Variants in AKAP10 observed in about 807,000 individuals in gnomAD.
AKAP10 encodes A-kinase anchoring protein 10.
AKAP10 carries 24 observed loss-of-function variants against 80.8 expected under a neutral mutation model. The observed-to-expected ratio is 0.30, with a 90% CI of 0.22 to 0.42. The LOEUF (loss-of-function observed/expected upper bound fraction) is 0.42, where lower values mean the gene tolerates loss of function less well. Ranked by LOEUF, AKAP10 falls within the 10% of genes least tolerant of loss-of-function variation. The probability of loss-of-function intolerance (pLI) is 1.00; values close to 1 mark genes in which losing one functional copy is unlikely to be tolerated. For missense variants in AKAP10, 661 were observed against 794.9 expected, an observed-to-expected ratio of 0.83 and a Z score of 2.03; for synonymous variants, 291 against 277.7, an observed-to-expected ratio of 1.05 and a Z score of -0.48.
chr17:19,931,693 T>C (rs2042935174), intron 10 of AKAP10, 112 bp downstream of exon 10: 1 of 1,315,570 alleles, frequency 7.6e-7, no homozygotes, highest in Non-Finnish European at 1.0e-6. Flanking sequence ...GCCTGGCTTT[T>C]ATCTTTTTTT....
intron 4 of AKAP10, among the ~76,000 whole-genome samples, chr17:19,950,484 A>AT (rs2043188090): frequency 6.6e-6 from 1 of 152,024 alleles, no homozygotes; most frequent in Admixed American, 6.6e-5. Flanking sequence ...TGGTTTTTGC[A>AT]TTTTTTGGTG....
chr17:19,975,568 C>G (rs1340606682), intron 1 of AKAP10, among the ~76,000 whole-genome samples: 1 of 152,208 alleles, frequency 6.6e-6, no homozygotes, highest in African/African-American at 2.4e-5. Context: ...CATTTCTCCT[C>G]TTAATCTTTC....
chr17:19,977,570 C>T (rs1397331499), intron 1 of AKAP10, 22 bp downstream of exon 1: 2 of 1,232,874 alleles, frequency 1.6e-6, no homozygotes, highest in African/African-American at 1.6e-5. Context: ...GCCTGACTCC[C>T]CGCCGGCGCC....
chr17:19,906,282 TG>T (rs2042631145), intron 14 of AKAP10, 50 bp from the exon 15 acceptor site: 1 of 1,579,346 alleles, frequency 6.3e-7, no homozygotes, highest in Non-Finnish European at 8.6e-7. Context: ...CTCTAACAAG[TG>T]ACCTATTATT....
At chr17:19,907,964 G>A (rs1179699042) in intron 14 of AKAP10, among the ~76,000 whole-genome samples, 2 of 151,376 alleles carry the variant, frequency 1.3e-5, no homozygotes, top group Non-Finnish European at 2.9e-5. Context: ...CCTGGGTTCA[G>A]GCAATTCTCC....
intron 4 of AKAP10, among the ~76,000 whole-genome samples, chr17:19,948,731 T>G (rs1428683228): frequency 1.3e-5 from 2 of 152,110 alleles, no homozygotes; most frequent in Admixed American, 1.3e-4. Context: ...TCGAGTTGTA[T>G]GTGCACTCCC....
intron 1 of AKAP10, 86 bp from the exon 2 acceptor site, chr17:19,968,547 T>C (rs2043453379): frequency 1.2e-5 from 13 of 1,101,270 alleles, no homozygotes; most frequent in Non-Finnish European, 1.6e-5. Flanking sequence ...AGCTTTATTC[T>C]AAGATGAGTA....
In AKAP10 at chr17:19,952,186, G is replaced by A. The variant is rs938019016; in HGVS notation, c.878-4681C>T. Among the ~76,000 whole-genome samples the A allele has an allele frequency of 1.3e-4, 19 of 151,948 alleles. No homozygotes were observed. In the East Asian group the frequency reaches 1.7e-3, roughly 14 times the overall value. On this transcript the variant is annotated intron_variant, in intron 4 of 14. Coordinates refer to ENST00000225737, the MANE Select transcript of AKAP10 (RefSeq NM_007202.4). ...AGATTAAAAATAACATGACTCAGCC[G>A]GGTGCAGTGGCTCACGCCTGTAATC... is the stretch of plus-strand genomic sequence containing the variant.
At chr17:19,906,605 A>T (rs1401266441) in intron 14 of AKAP10, among the ~76,000 whole-genome samples, 1 of 152,210 alleles carries the variant, frequency 6.6e-6, no homozygotes, top group Non-Finnish European at 1.5e-5. Context: ...ACACATGCAG[A>T]CATTCACTGA....
At chr17:19,916,988 G>A (rs2042751563) in intron 12 of AKAP10, among the ~76,000 whole-genome samples, 1 of 151,486 alleles carries the variant, frequency 6.6e-6, no homozygotes, top group Admixed American at 6.6e-5. Flanking sequence ...AACCAGGCCA[G>A]GCACGGTGGC....
chr17:19,977,799 A>G lies in AKAP10; in HGVS notation c.-120T>C. On this transcript the variant is annotated 5_prime_UTR_variant, in exon 1 of 15. An upstream start codon of the reference 5' UTR is lost. Transcript: ENST00000225737. ...GGATGCCCAGGCAGCTCCAGCCGCC[A>G]TATTATCAACAAGCCGCCCGCCCGG... is the stretch of plus-strand genomic sequence containing the variant. The G allele has an allele frequency of 1.8e-6, 1 of 553,260 alleles. No individual in the cohort carries two copies. The allele number at this position is 553,260 out of a possible 1,614,324, so 34.3% of individuals were successfully genotyped here. A position where few individuals can be genotyped will look rare whatever the true frequency, so the allele number is the denominator to read the frequency against.
chr17:19,942,710 C>A (rs2043062330), intron 5 of AKAP10, among the ~76,000 whole-genome samples: 1 of 152,130 alleles, frequency 6.6e-6, no homozygotes, highest in Non-Finnish European at 1.5e-5. Context: ...AGCTATTTAG[C>A]TAGCTGTTAA....
chr17:19,954,438 T>C (rs1051624628), intron 4 of AKAP10, among the ~76,000 whole-genome samples: 1 of 151,388 alleles, frequency 6.6e-6, no homozygotes, highest in Non-Finnish European at 1.5e-5. Flanking sequence ...TTATACGACA[T>C]TAACTCAAAA....
At chr17:19,973,778 C>T (rs73980764) in intron 1 of AKAP10, among the ~76,000 whole-genome samples, 1,857 of 152,308 alleles carry the variant, frequency 0.012, 34 homozygotes, top group African/African-American at 0.042. Flanking sequence ...TTAATTGTCA[C>T]AGATGGTGAG....
intron 12 of AKAP10, among the ~76,000 whole-genome samples, chr17:19,912,428 T>C (rs1376893183): frequency 2.6e-5 from 4 of 152,142 alleles, no homozygotes; most frequent in Admixed American, 2.6e-4. Flanking sequence ...TCCCAGCTAC[T>C]GGGGAGGCTG....
intron 5 of AKAP10, among the ~76,000 whole-genome samples, chr17:19,946,242 T>A (rs1279426094): frequency 0.11 from 1,466 of 13,618 alleles, 133 homozygotes; most frequent in African/African-American, 0.21. Context: ...ATATATTATA[T>A]ATATATATAT....
chr17:19,944,874 A>G (rs1346577088), intron 5 of AKAP10, among the ~76,000 whole-genome samples: 2 of 152,234 alleles, frequency 1.3e-5, no homozygotes, highest in Non-Finnish European at 2.9e-5. Context: ...TTAGTTAGCA[A>G]CACCAAAAAT....
At chr17:19,939,926 AT>A in intron 7 of AKAP10, 77 bp from the exon 8 acceptor site, 1 of 1,481,434 alleles carries the variant, frequency 6.8e-7, no homozygotes, top group East Asian at 2.4e-5. Flanking sequence ...ATAAGCTCAA[AT>A]ATTAAAATAC....
At position 19,958,528 on chromosome 17, in the gene AKAP10, G is replaced by A; in HGVS notation, c.363C>T (p.Ser121=). 6.2e-7 allele frequency: 1 copy of A among 1,608,816 alleles called. No individual in the cohort carries two copies. The highest frequency in any genetic ancestry group is 8.5e-7 in the Non-Finnish European group (1 of 1,179,924). ...LDYQTQETKS[S]LSKTLEQVLH... ...AGACTTGTTCAAGGGTCTTAGAAAG[G>A]CTTGATTTGGTCTCTTGAGTCTGGT... Residue 121 remains serine (S), a synonymous_variant, in exon 4 of 15, where the codon AGC becomes AGT. Transcript: ENST00000225737.
Sources: allele counts gnomAD v4.1 joint callset (sites outside exome capture counted in the v4.1 genomes callset), GRCh38; gene constraint gnomAD v4.1.1; transcripts MANE v1.5; gene names NCBI Gene and HGNC (gene_info 2026-07-23, HGNC 2026-07-21).